Variants in LUZP2 observed in about 807,000 individuals in gnomAD.
LUZP2 encodes leucine zipper protein 2.
LUZP2 carries 52 observed loss-of-function variants against 51.6 expected under a neutral mutation model. The observed-to-expected ratio is 1.01, with a 90% CI of 0.81 to 1.27. The LOEUF (loss-of-function observed/expected upper bound fraction) is 1.27. Among genes scored for constraint, LUZP2 ranks in the 50% most tolerant of loss-of-function variants. LUZP2 has a pLI of 0.00. For missense variants in LUZP2, 436 were observed against 395.4 expected (o/e 1.10, Z -0.87); for synonymous variants, 154 against 137.3 (o/e 1.12, Z -0.85).
chr11:24,894,939 A>T (rs1418971065), intron 5 of LUZP2, among the ~76,000 whole-genome samples: 2 of 152,190 alleles, frequency 1.3e-5, no homozygotes, highest in East Asian at 3.9e-4. Context: ...AGGAGGAGAA[A>T]ACACAAACTA....
chr11:24,722,024 A>G (rs969797507), intron 1 of LUZP2, among the ~76,000 whole-genome samples: 1 of 152,342 alleles, frequency 6.6e-6, no homozygotes. Context: ...ATGGCACTGC[A>G]AAATATTGGG....
intron 5 of LUZP2, among the ~76,000 whole-genome samples, chr11:24,768,355 C>T (rs916333930): frequency 6.6e-6 from 1 of 152,110 alleles, no homozygotes; most frequent in Non-Finnish European, 1.5e-5. Flanking sequence ...GGTGATCCAC[C>T]CGCCTTGGCC....
intron 1 of LUZP2, among the ~76,000 whole-genome samples, chr11:24,526,457 CTTT>C (rs3077900): frequency 0.8 from 118,496 of 147,524 alleles, 50,159 homozygotes; most frequent in East Asian, 0.94. Context: ...ACTCTCTACT[CTTT>C]TTTTTTTTTT....
At position 25,079,370 on chromosome 11, in the gene LUZP2, G is replaced by A. The variant is rs1003382720; in HGVS notation, c.*712G>A. On this transcript the variant is annotated 3_prime_UTR_variant, in exon 12 of 12. Coordinates refer to ENST00000336930, the MANE Select transcript of LUZP2 (RefSeq NM_001009909.4). ...TGTATGTCTACTGTAATTAATCCAA[G>A]TTAATAACCAAGTTTTCTGAAATAC... 6.6e-6 allele frequency: 1 copy of A among 152,106 alleles called. No individual in the cohort carries two copies. The highest frequency in any genetic ancestry group is 6.5e-5 in the Admixed American group (1 of 15,278). The allele number at this position is 152,106 out of a possible 1,614,324, so 9.4% of individuals were successfully genotyped here. A position where few individuals can be genotyped will look rare whatever the true frequency, so the allele number is the denominator to read the frequency against.
At chr11:24,992,052 T>G (rs1354031576) in intron 9 of LUZP2, among the ~76,000 whole-genome samples, 1 of 152,100 alleles carries the variant, frequency 6.6e-6, no homozygotes, top group East Asian at 1.9e-4. Flanking sequence ...CCTTTTGTGG[T>G]GCAAAAGCTC....
At chr11:24,591,197 T>G (rs1853247826) in intron 1 of LUZP2, among the ~76,000 whole-genome samples, 1 of 152,206 alleles carries the variant, frequency 6.6e-6, no homozygotes, top group African/African-American at 2.4e-5. Context: ...TATTTTCATT[T>G]GGAAACATCC....
intron 6 of LUZP2, among the ~76,000 whole-genome samples, chr11:24,909,372 A>G (rs893159667): frequency 1.3e-5 from 2 of 152,020 alleles, no homozygotes; most frequent in Admixed American, 6.6e-5. Flanking sequence ...AAAGGCAACC[A>G]TTCTGACACT....
chr11:24,727,385 A>C (rs900733814), intron 1 of LUZP2, among the ~76,000 whole-genome samples: 1 of 151,966 alleles, frequency 6.6e-6, no homozygotes, highest in African/African-American at 2.4e-5. Context: ...TACTCTTGTG[A>C]CTTAATTTCC....
intron 4 of LUZP2, among the ~76,000 whole-genome samples, chr11:24,750,976 T>C (rs143049064): frequency 6.6e-6 from 1 of 152,324 alleles, no homozygotes; most frequent in Non-Finnish European, 1.5e-5. Context: ...CCATGTCCGA[T>C]GCTGTGATTT....
chr11:24,657,647 G>A (rs1048581517), intron 1 of LUZP2, among the ~76,000 whole-genome samples: 3 of 152,128 alleles, frequency 2.0e-5, no homozygotes, highest in African/African-American at 7.2e-5. Context: ...GTCCCTGTTT[G>A]GAGATGACAT....
chr11:24,924,660 C>T (rs1414898141), intron 7 of LUZP2, among the ~76,000 whole-genome samples: 1 of 152,098 alleles, frequency 6.6e-6, no homozygotes, highest in African/African-American at 2.4e-5. Flanking sequence ...AGAATGTGTG[C>T]TCAAGGTGGT....
intron 1 of LUZP2, among the ~76,000 whole-genome samples, chr11:24,502,382 GT>G (rs571708487): frequency 7.6e-6 from 1 of 132,192 alleles, no homozygotes; most frequent in African/African-American, 3.0e-5. Context: ...AAAGTATTTT[GT>G]TTGTTTGTTT....
At chr11:24,625,681 G>A (rs547285972) in intron 1 of LUZP2, among the ~76,000 whole-genome samples, 51 of 151,058 alleles carry the variant, frequency 3.4e-4, no homozygotes, top group Middle Eastern at 3.5e-3. Flanking sequence ...AGAAATATTC[G>A]TTTGAAAAAT....
At chr11:24,794,862 A>G (rs1174768744) in intron 5 of LUZP2, among the ~76,000 whole-genome samples, 1 of 152,176 alleles carries the variant, frequency 6.6e-6, no homozygotes, top group African/African-American at 2.4e-5. Context: ...TGACATTCAA[A>G]ATAACCTTGT....
At chr11:24,586,319 TTC>T (rs1853064818) in intron 1 of LUZP2, among the ~76,000 whole-genome samples, 1 of 152,156 alleles carries the variant, frequency 6.6e-6, no homozygotes, top group Non-Finnish European at 1.5e-5. Flanking sequence ...GCCATTATGC[TTC>T]TGTTTAGTTT....
chr11:24,630,914 T>G (rs887918493), intron 1 of LUZP2, among the ~76,000 whole-genome samples: 2 of 151,920 alleles, frequency 1.3e-5, no homozygotes, highest in African/African-American at 2.4e-5. Context: ...AGATCTTTCC[T>G]CTACTTGGTT....
chr11:24,669,253 C>G (rs1856320680), intron 1 of LUZP2, among the ~76,000 whole-genome samples: 1 of 152,068 alleles, frequency 6.6e-6, no homozygotes, highest in South Asian at 2.1e-4. Context: ...CAGTTTGTTC[C>G]TTACTACAAA....
At chr11:24,868,350 T>C (rs1165622096) in intron 5 of LUZP2, among the ~76,000 whole-genome samples, 1 of 152,184 alleles carries the variant, frequency 6.6e-6, no homozygotes, top group Non-Finnish European at 1.5e-5. Context: ...TTTCTGACTC[T>C]GGAAGCATAA....
chr11:25,034,113 A>G (rs531864877), intron 9 of LUZP2, among the ~76,000 whole-genome samples: 4 of 152,206 alleles, frequency 2.6e-5, no homozygotes, highest in South Asian at 2.1e-4. Context: ...CTTTTTAATA[A>G]TAGCCATCCT....
Sources: allele counts gnomAD v4.1 joint callset (sites outside exome capture counted in the v4.1 genomes callset), GRCh38; gene constraint gnomAD v4.1.1; transcripts MANE v1.5; gene names NCBI Gene and HGNC (gene_info 2026-07-23, HGNC 2026-07-21).